PTPN14: variants seen among roughly 807,000 people sequenced by gnomAD.
PTPN14 encodes the protein protein tyrosine phosphatase non-receptor type 14, also known as tyrosine-protein phosphatase non-receptor type 14.
PTPN14 carries 53 observed loss-of-function variants against 126.8 expected under a neutral mutation model. The ratio of observed to expected loss-of-function variants is 0.42; its 90% CI spans 0.34 to 0.53. PTPN14 has a LOEUF of 0.53. Among genes scored for constraint, PTPN14 ranks in the 20% least tolerant of loss-of-function variants. The probability of loss-of-function intolerance (pLI) is 0.08; values close to 1 mark genes in which losing one functional copy is unlikely to be tolerated. For missense variants in PTPN14, 1,257 were observed against 1,552.9 expected (o/e 0.81, Z 3.20); for synonymous variants, 630 against 599.3 (o/e 1.05, Z -0.75).
chr1:214,549,189 A>G (rs1363805460), intron 1 of PTPN14, among the ~76,000 whole-genome samples: 1 of 152,202 alleles, frequency 6.6e-6, no homozygotes, highest in African/African-American at 2.4e-5. Flanking sequence ...GCCAGGACTC[A>G]GCCACTATGA....
intron 5 of PTPN14, among the ~76,000 whole-genome samples, chr1:214,409,515 T>C (rs1659249511): frequency 6.6e-6 from 1 of 152,230 alleles, no homozygotes; most frequent in Non-Finnish European, 1.5e-5. Context: ...ATGAATAATG[T>C]GGCAATGATC....
At chr1:214,391,851 A>G (rs1184492645) in intron 10 of PTPN14, among the ~76,000 whole-genome samples, 1 of 152,156 alleles carries the variant, frequency 6.6e-6, no homozygotes, top group African/African-American at 2.4e-5. Flanking sequence ...GTAATATAGC[A>G]ATGGTGGATT....
intron 2 of PTPN14, among the ~76,000 whole-genome samples, chr1:214,457,697 G>A (rs973616271): frequency 6.6e-6 from 1 of 152,084 alleles, no homozygotes; most frequent in African/African-American, 2.4e-5. Context: ...TGATTTAAAA[G>A]TACCAAAAGT....
chr1:214,392,942 T>C (rs1658791825), intron 10 of PTPN14, among the ~76,000 whole-genome samples: 1 of 152,202 alleles, frequency 6.6e-6, no homozygotes, highest in Admixed American at 6.5e-5. Context: ...TTCTCTTGCA[T>C]TTATAACCCT....
At chr1:214,392,073 T>A (rs1193114596) in intron 10 of PTPN14, among the ~76,000 whole-genome samples, 1 of 152,132 alleles carries the variant, frequency 6.6e-6, no homozygotes, top group African/African-American at 2.4e-5. Flanking sequence ...CTGCTGTGCA[T>A]GCATGGAGAA....
intron 13 of PTPN14, among the ~76,000 whole-genome samples, chr1:214,381,936 GCT>G (rs1015479514): frequency 6.6e-6 from 1 of 152,098 alleles, no homozygotes; most frequent in Admixed American, 6.6e-5. Flanking sequence ...ACGGGGTCTT[GCT>G]CTGTCATCCA....
intron 1 of PTPN14, among the ~76,000 whole-genome samples, chr1:214,500,437 G>A (rs1431993280): frequency 6.6e-6 from 1 of 152,138 alleles, no homozygotes; most frequent in Admixed American, 6.5e-5. Context: ...CTACTTGAGA[G>A]GCTTCTTATA....
intron 1 of PTPN14, among the ~76,000 whole-genome samples, chr1:214,544,746 A>G (rs1055529642): frequency 6.6e-6 from 1 of 151,960 alleles, no homozygotes; most frequent in Non-Finnish European, 1.5e-5. Context: ...GCGAGACTCC[A>G]TCTCAAAACG....
intron 2 of PTPN14, among the ~76,000 whole-genome samples, chr1:214,463,569 A>G (rs1457157666): frequency 6.6e-6 from 1 of 152,198 alleles, no homozygotes; most frequent in Non-Finnish European, 1.5e-5. Flanking sequence ...AGACGTCTTT[A>G]GAAGGGACTT....
intron 1 of PTPN14, among the ~76,000 whole-genome samples, chr1:214,540,159 A>T (rs945151708): frequency 6.6e-6 from 1 of 152,196 alleles, no homozygotes; most frequent in African/African-American, 2.4e-5. Flanking sequence ...TCCACCCAGG[A>T]TGTTAGTCAT....
intron 3 of PTPN14, among the ~76,000 whole-genome samples, chr1:214,446,590 T>G (rs1310265238): frequency 6.6e-6 from 1 of 152,366 alleles, no homozygotes; most frequent in East Asian, 1.9e-4. Flanking sequence ...CTCAAATTTT[T>G]GTTGTGTTGT....
At chr1:214,492,399 G>A (rs1367951285) in intron 1 of PTPN14, among the ~76,000 whole-genome samples, 1 of 152,140 alleles carries the variant, frequency 6.6e-6, no homozygotes, top group South Asian at 2.1e-4. Flanking sequence ...TAAATAATGA[G>A]TTACAAACCT....
intron 3 of PTPN14, among the ~76,000 whole-genome samples, chr1:214,450,552 G>A (rs1660252596): frequency 6.6e-6 from 1 of 150,944 alleles, no homozygotes; most frequent in African/African-American, 2.4e-5. Context: ...AAAATTTCAA[G>A]AGCATCCTTA....
intron 11 of PTPN14, among the ~76,000 whole-genome samples, chr1:214,388,658 T>C (rs912084014): frequency 1.3e-5 from 2 of 152,170 alleles, no homozygotes; most frequent in African/African-American, 4.8e-5. Flanking sequence ...TCCACCCACC[T>C]TGGCCTCCCA....
intron 1 of PTPN14, among the ~76,000 whole-genome samples, chr1:214,499,993 C>A (rs1558131143): frequency 6.6e-6 from 1 of 151,752 alleles, no homozygotes; most frequent in African/African-American, 2.4e-5. Flanking sequence ...TTCAGTAACA[C>A]TCTTGAAGCA....
chr1:214,511,084 C>T (rs958667222), intron 1 of PTPN14, among the ~76,000 whole-genome samples: 17 of 151,832 alleles, frequency 1.1e-4, no homozygotes, highest in Non-Finnish European at 2.9e-5. Context: ...AACCACATCT[C>T]GCTGTGTTGC....
At chr1:214,380,224 A>G (rs2291829) in intron 13 of PTPN14, among the ~76,000 whole-genome samples, 125,644 of 152,124 alleles carry the variant, frequency 0.83, 52,628 homozygotes, top group African/African-American at 0.96. Context: ...AATAGTCCTG[A>G]AAAATGGGTC....
chr1:214,403,335 A>G (rs1465849380), intron 5 of PTPN14, among the ~76,000 whole-genome samples: 1 of 152,170 alleles, frequency 6.6e-6, no homozygotes, highest in Non-Finnish European at 1.5e-5. Flanking sequence ...CCAGGCCATC[A>G]TCCCTTCAAA....
intron 16 of PTPN14, among the ~76,000 whole-genome samples, 186 bp from the exon 17 acceptor site, chr1:214,369,877 T>A (rs760184753): frequency 6.6e-6 from 1 of 152,212 alleles, no homozygotes; most frequent in Non-Finnish European, 1.5e-5. Context: ...CAATTTACAA[T>A]GACAGTTACA....
Sources: gnomAD v4.1 joint callset for allele counts (sites outside exome capture counted in the v4.1 genomes callset) on GRCh38, gnomAD v4.1.1 for gene constraint, MANE v1.5 for transcripts, NCBI Gene and HGNC (gene_info 2026-07-23, HGNC 2026-07-21) for gene names.